The following FAM193B variants were observed in gnomAD, a reference collection of about 807,000 sequenced individuals.
The protein encoded by FAM193B is protein FAM193B.
FAM193B carries 27 observed loss-of-function variants against 70.7 expected under a neutral mutation model. That is an observed-to-expected ratio of 0.38 (90% CI 0.28 to 0.53). The LOEUF (loss-of-function observed/expected upper bound fraction) is 0.53. Ranked by LOEUF, FAM193B falls within the 20% of genes least tolerant of loss-of-function variation. The pLI, the probability that FAM193B is intolerant of heterozygous loss-of-function variation, is 0.81. For missense variants in FAM193B, 1,022 were observed against 1,072.5 expected, an observed-to-expected ratio of 0.95 and a Z score of 0.66; for synonymous variants, 448 against 436.0, an observed-to-expected ratio of 1.03 and a Z score of -0.34.
At chr5:177,547,955 C>G (rs998606815) in intron 1 of FAM193B, among the ~76,000 whole-genome samples, 1 of 150,712 alleles carries the variant, frequency 6.6e-6, no homozygotes, top group African/African-American at 2.5e-5. Context: ...CTCACAGGCA[C>G]AGAACCGAAG....
chr5:177,546,885 A>G (rs1765493000), intron 1 of FAM193B, among the ~76,000 whole-genome samples: 2 of 152,160 alleles, frequency 1.3e-5, no homozygotes, highest in Admixed American at 1.3e-4. Context: ...CCTGGGTGCA[A>G]TGAGCCACAA....
chr5:177,525,581 G>A, intron 5 of FAM193B: 1 of 180,580 alleles, frequency 5.5e-6, no homozygotes. Flanking sequence ...AAAAAGCCAT[G>A]CCATCACGGG....
intron 7 of FAM193B, 28 bp from the exon 8 acceptor site, chr5:177,522,099 G>A: frequency 1.9e-6 from 3 of 1,574,760 alleles, no homozygotes; most frequent in Non-Finnish European, 2.6e-6. Flanking sequence ...CACATGAGAA[G>A]CACAATCAGA....
intron 8 of FAM193B, among the ~76,000 whole-genome samples, chr5:177,521,315 T>C (rs1761698343): frequency 6.6e-6 from 1 of 152,248 alleles, no homozygotes; most frequent in South Asian, 2.1e-4. Flanking sequence ...GATCATCATC[T>C]GGTACATCAT....
rs1764155086 is a variant in FAM193B at position 177,536,345 on chromosome 5, G to C, written c.1076+13C>G. The C allele has an allele frequency of 6.2e-7, 1 of 1,605,002 alleles. No homozygotes were observed. ...AGTGGGTAGCGAGTTTGCCCTTCAT[G>C]CAGCACACTTACCTGTGAGTGCTAG... On this transcript the variant is annotated intron_variant, in intron 4 of 8. Transcript: ENST00000514747.
intron 1 of FAM193B, among the ~76,000 whole-genome samples, chr5:177,543,511 G>A (rs552435100): frequency 9.2e-5 from 14 of 152,308 alleles, no homozygotes; most frequent in Non-Finnish European, 1.9e-4. Context: ...CAGTTTGAGG[G>A]GCCACCCCTA....
At chr5:177,537,691 G>C (rs1764335750) in intron 3 of FAM193B, among the ~76,000 whole-genome samples, 182 bp downstream of exon 3, 1 of 152,224 alleles carries the variant, frequency 6.6e-6, no homozygotes, top group Non-Finnish European at 1.5e-5. Flanking sequence ...TTCAAGTTCA[G>C]AGTTGTGGGG....
At chr5:177,536,769 G>C (rs1321440407) in intron 3 of FAM193B, 24 bp from the exon 4 acceptor site, 1 of 1,545,064 alleles carries the variant, frequency 6.5e-7, no homozygotes, top group Non-Finnish European at 8.7e-7. Flanking sequence ...GAGGAGAAAG[G>C]GGTCAGAATG....
intron 4 of FAM193B, among the ~76,000 whole-genome samples, chr5:177,535,767 A>T (rs1289796700): frequency 6.6e-6 from 1 of 152,360 alleles, no homozygotes; most frequent in South Asian, 2.1e-4. Flanking sequence ...AGGTATATCA[A>T]ATATCTAAGT....
In FAM193B at chr5:177,554,399, G is replaced by C; in HGVS notation, c.60C>G (p.Ala20=). The C allele has an allele frequency of 8.6e-7, 1 of 1,157,440 alleles. No individual in the cohort carries two copies. Among genetic ancestry groups the C allele is most frequent in the Non-Finnish European group, 1.1e-6 (1 of 941,072 alleles). The allele number at this position is 1,157,440 out of a possible 1,614,324, so 71.7% of individuals were successfully genotyped here. A position where few individuals can be genotyped will look rare whatever the true frequency, so the allele number is the denominator to read the frequency against. The change falls in exon 1 of 9, where the codon GCC becomes GCG. Residue 20 remains alanine, a synonymous_variant. Transcript: ENST00000514747. Reference sequence around the variant, plus strand: ...GCGCCTGGGGCTTCTGCGGCCCCGCGGCCCGAGCCCGCTCGCGCCTGCCCG... The same window carrying C: ...GCGCCTGGGGCTTCTGCGGCCCCGCCGCCCGAGCCCGCTCGCGCCTGCCCG... The part of the protein sequence containing the change: ...GGAGRRERAR[A]AGPQKPQAPE...
chr5:177,524,318 G>A lies in FAM193B; in HGVS notation c.2163C>T (p.Gly721=), dbSNP rs372144744. ...GCTCCTGAGGCCGTGCCTTGGCCTC[G>A]CCTGGCCAGTTTCGCCAGGAGCTGC... The part of the protein sequence containing the change: ...EKGSSWRNWP[G]EAKARPQEQE... The change falls in exon 6 of 9, where the codon GGC becomes GGT. Residue 721 remains glycine (G), a synonymous_variant. Coordinates refer to ENST00000514747, the MANE Select transcript of FAM193B (RefSeq NM_001190946.3). 25 of 1,584,734 alleles carry A rather than the reference G, an allele frequency of 1.6e-5. No homozygotes were observed. In the African/African-American group the frequency reaches 2.2e-4, roughly 14 times the overall value.
Position 177,532,249 on chromosome 5 carries a change from T to G in FAM193B, c.1275+194A>C, listed in dbSNP as rs1763582252. On this transcript the variant is annotated intron_variant, in intron 5 of 8. Transcript: ENST00000514747. This position sits in a 1 kb window ranked among gnomAD's most constrained non-coding sequence, Gnocchi z 4.9. ...AGAGAAACCATGAGAAGAGCAAAGGTAGCAAAATGTTTAAAAACCCCTACC... is the reference window on the plus strand; with the variant it reads ...AGAGAAACCATGAGAAGAGCAAAGGGAGCAAAATGTTTAAAAACCCCTACC... The G allele has an allele frequency of 6.7e-7, 1 of 1,490,118 alleles. No homozygotes were observed. Among genetic ancestry groups the G allele is most frequent in the Non-Finnish European group, 8.9e-7 (1 of 1,126,274 alleles). The allele number at this position is 1,490,118 out of a possible 1,614,324, so 92.3% of individuals were successfully genotyped here. A position where few individuals can be genotyped will look rare whatever the true frequency, so the allele number is the denominator to read the frequency against.
At chr5:177,549,433 T>C (rs571880198) in intron 1 of FAM193B, among the ~76,000 whole-genome samples, 19 of 152,166 alleles carry the variant, frequency 1.2e-4, no homozygotes, top group African/African-American at 4.1e-4. Flanking sequence ...GACCTCGTGA[T>C]CCTCCCGCCT....
chr5:177,524,772 A>G lies in FAM193B; in HGVS notation c.1709T>C (p.Val570Ala). Residue 570 changes from valine to alanine, a missense_variant, in exon 6 of 9, where the codon GTG (valine) becomes GCG (alanine). Val to Ala is a moderately conservative substitution (Grantham distance 64). Coordinates refer to ENST00000514747, the MANE Select transcript of FAM193B (RefSeq NM_001190946.3). ...GACGATACCGGGAGGGGGCCCCCTC[A>G]CCTCTGTCCATGGTGGGTGGGGGCC... Reference protein sequence around the residue: ...MRGPHPPWTEVRGPPPGIVPE... With the variant: ...MRGPHPPWTEARGPPPGIVPE... 4 of 1,522,874 alleles carry G rather than the reference A, an allele frequency of 2.6e-6. No homozygotes were observed. The highest frequency in any genetic ancestry group is 3.5e-6 in the Non-Finnish European group (4 of 1,137,638). The allele number at this position is 1,522,874 out of a possible 1,614,324, so 94.3% of individuals were successfully genotyped here.
Position 177,532,068 on chromosome 5 carries a change from A to G in FAM193B, c.1275+375T>C, listed in dbSNP as rs1763548197. The stretch of plus-strand genomic sequence containing the variant: ...GGCCTGTCCCTCGGCTGGCTGTCAC[A>G]CTTGGGGGACTGAGAGCCTTTTTGC... On this transcript the variant is annotated intron_variant, in intron 5 of 8. Coordinates refer to ENST00000514747, the MANE Select transcript of FAM193B (RefSeq NM_001190946.3). This position sits in a 1 kb window ranked among gnomAD's most constrained non-coding sequence, Gnocchi z 4.9. 2 of 1,295,998 alleles carry G rather than the reference A, an allele frequency of 1.5e-6. No homozygotes were observed. Among genetic ancestry groups the G allele is most frequent in the Non-Finnish European group, 2.0e-6 (2 of 993,652 alleles). 80.3% of individuals were successfully genotyped at this position (1,295,998 alleles called of 1,614,324 possible).
chr5:177,523,828 G>A lies in FAM193B; in HGVS notation c.2372+129C>T, dbSNP rs1226695364. ...CTGGTGGGAGAGGGCCTGGGGGGGC[G>A]GTGAGCCTCCCCAAGGGGTCAGGGC... On this transcript the variant is annotated intron_variant, in intron 7 of 8. Transcript: ENST00000514747. 13 of 966,928 alleles carry A rather than the reference G, an allele frequency of 1.3e-5. No homozygotes were observed. In the Admixed American group the frequency reaches 2.2e-4, roughly 16 times the overall value. The allele number at this position is 966,928 out of a possible 1,614,324, so 59.9% of individuals were successfully genotyped here.
chr5:177,554,491 GCCGCCGC>G lies in FAM193B; in HGVS notation c.-40_-34del. The G allele has an allele frequency of 1.5e-6, 1 of 654,690 alleles. No homozygotes were observed. Among genetic ancestry groups the G allele is most frequent in the Non-Finnish European group, 1.8e-6 (1 of 550,950 alleles). The allele number at this position is 654,690 out of a possible 1,614,324, so 40.6% of individuals were successfully genotyped here. On this transcript the variant is annotated 5_prime_UTR_variant, in exon 1 of 9. Coordinates refer to ENST00000514747, the MANE Select transcript of FAM193B (RefSeq NM_001190946.3). Reference sequence around the variant, plus strand: ...CTCGCGCCGCTCCCTCGCTCCACACGCCGCCGCCGCCGCCGCCGCCGCCGCCGCCGCC... The same window carrying G: ...CTCGCGCCGCTCCCTCGCTCCACACGCGCCGCCGCCGCCGCCGCCGCCGCC...
In FAM193B at chr5:177,521,950, A is replaced by G. The variant is rs200755876; in HGVS notation, c.*1+24T>C. On this transcript the variant is annotated intron_variant, in intron 8 of 8. Coordinates refer to ENST00000514747, the MANE Select transcript of FAM193B (RefSeq NM_001190946.3). ...GGCCAAGCACAGGGAGAGGCAGTGG[A>G]TGTAACTCTTGGGGTCTCTGTACCT... 3 of 1,583,788 alleles carry G rather than the reference A, an allele frequency of 1.9e-6. No homozygotes were observed. The East Asian group carries it at 6.7e-5, about 35-fold the overall frequency.
chr5:177,551,505 T>C (rs1202826944), intron 1 of FAM193B, among the ~76,000 whole-genome samples: 2 of 152,164 alleles, frequency 1.3e-5, no homozygotes, highest in Non-Finnish European at 2.9e-5. Flanking sequence ...CTAAGGAGCA[T>C]ACGCTGTCTA....
Sources: gnomAD v4.1 joint callset for allele counts (sites outside exome capture counted in the v4.1 genomes callset) on GRCh38, gnomAD v4.1.1 for gene constraint, Gnocchi (gnomAD v3.1) non-coding constraint, MANE v1.5 for transcripts, NCBI Gene and HGNC (gene_info 2026-07-23, HGNC 2026-07-21) for gene names.